Variants in RIOX2 observed in about 807,000 individuals in gnomAD.
The protein encoded by RIOX2 is ribosomal oxygenase 2, also known as 60S ribosomal protein L27a histidine hydroxylase.
RIOX2 carries 43 observed loss-of-function variants against 51.2 expected under a neutral mutation model. The observed-to-expected ratio is 0.84, with a 90% confidence interval of 0.66 to 1.08. The LOEUF is 1.08. Ranked by LOEUF, RIOX2 falls within the 50% of genes least tolerant of loss-of-function variation. The pLI is 0.00. For missense variants in RIOX2, 566 were observed against 561.7 expected (o/e 1.01, Z -0.08); for synonymous variants, 226 against 218.5 (o/e 1.03, Z -0.30).
In RIOX2 at chr3:97,972,347, GGCGCTGGGATGCCCACGAGA is replaced by G. The variant is rs1706169064; in HGVS notation, c.-40+14_-40+33del. Reference sequence around the variant, plus strand: ...GATCGGGCACTACCCGGCCTGCCCCGGCGCTGGGATGCCCACGAGAGCGCCCCACTCACCCGGCACGGCCT... The same window carrying G: ...GATCGGGCACTACCCGGCCTGCCCCGGCGCCCCACTCACCCGGCACGGCCT... On this transcript the variant is annotated intron_variant, in intron 1 of 9. Coordinates refer to ENST00000394198, the MANE Select transcript of RIOX2 (RefSeq NM_153182.4). 1 of 151,864 alleles carries G rather than the reference GGCGCTGGGATGCCCACGAGA, an allele frequency of 6.6e-6. No individual in the cohort carries two copies. Among genetic ancestry groups the G allele is most frequent in the Admixed American group, 6.6e-5 (1 of 15,258 alleles). 9.4% of individuals were successfully genotyped at this position (151,864 alleles called of 1,614,324 possible). A position where few individuals can be genotyped will look rare whatever the true frequency, so the allele number is the denominator to read the frequency against.
chr3:97,956,864 A>C (rs1206104812), intron 4 of RIOX2, among the ~76,000 whole-genome samples: 5 of 152,220 alleles, frequency 3.3e-5, no homozygotes, highest in Non-Finnish European at 7.3e-5. Context: ...GGTAAATATC[A>C]TGATCTCTGT....
At chr3:97,959,292 C>T in intron 3 of RIOX2, 113 bp from the exon 4 acceptor site, 1 of 669,942 alleles carries the variant, frequency 1.5e-6, no homozygotes, top group Non-Finnish European at 2.2e-6. Context: ...ATAGGTGAAC[C>T]TTGAACAACA....
At chr3:97,958,364 C>T (rs1705534453) in intron 4 of RIOX2, among the ~76,000 whole-genome samples, 1 of 152,178 alleles carries the variant, frequency 6.6e-6, no homozygotes, top group South Asian at 2.1e-4. Context: ...CTACTCCTAT[C>T]CATGTAACGT....
chr3:97,964,574 T>C (rs1438383738), intron 2 of RIOX2, among the ~76,000 whole-genome samples: 5 of 151,146 alleles, frequency 3.3e-5, no homozygotes, highest in African/African-American at 1.2e-4. Flanking sequence ...CATGCACCTG[T>C]AATCCCAGCT....
In RIOX2 at chr3:97,954,475, A is replaced by C; in HGVS notation, c.702T>G (p.Phe234Leu). The C allele has an allele frequency of 2.5e-6, 4 of 1,614,020 alleles. No individual in the cohort carries two copies. The highest frequency in any genetic ancestry group is 3.4e-6 in the Non-Finnish European group (4 of 1,179,952). ...FMLKPGDLLY[F>L]PRGTIHQADT... ...CCGCTTGATGAATGGTTCCTCTGGGAAAGTACAACAAATCACCCGGCTAAA... is the reference window on the plus strand; with the variant it reads ...CCGCTTGATGAATGGTTCCTCTGGGCAAGTACAACAAATCACCCGGCTAAA... The change falls in exon 5 of 10, where the codon TTT becomes TTG. Residue 234 changes from phenylalanine (F) to leucine (L), a missense_variant. Phe to Leu is a conservative substitution (Grantham distance 22, BLOSUM62 0). Transcript: ENST00000394198.
At chr3:97,955,923 T>C (rs994267725) in intron 4 of RIOX2, among the ~76,000 whole-genome samples, 2 of 152,172 alleles carry the variant, frequency 1.3e-5, no homozygotes, top group Admixed American at 1.3e-4. Context: ...TACTTAAATA[T>C]ATCTAAACGT....
chr3:97,942,187 C>A lies in RIOX2; in HGVS notation c.*2997G>T. 1 of 1,051,450 alleles carries A rather than the reference C, an allele frequency of 9.5e-7. No individual in the cohort carries two copies. The highest frequency in any genetic ancestry group is 1.4e-6 in the Non-Finnish European group (1 of 737,418). The allele number at this position is 1,051,450 out of a possible 1,614,324, so 65.1% of individuals were successfully genotyped here. A position where few individuals can be genotyped will look rare whatever the true frequency, so the allele number is the denominator to read the frequency against. On this transcript the variant is annotated 3_prime_UTR_variant, in exon 10 of 10. Coordinates refer to ENST00000394198, the MANE Select transcript of RIOX2 (RefSeq NM_153182.4). ...TTTTAGATAAGACACACACACACTT[C>A]ATGTCTATGACTTGTTTACCTAAGA...
At chr3:97,959,315 T>G (rs1705580222) in intron 3 of RIOX2, 136 bp from the exon 4 acceptor site, 1 of 823,220 alleles carries the variant, frequency 1.2e-6, no homozygotes, top group Non-Finnish European at 1.7e-6. Flanking sequence ...GGTTTTTTTT[T>G]TTTTTTTTTT....
intron 4 of RIOX2, among the ~76,000 whole-genome samples, chr3:97,954,724 T>C (rs1356974212): frequency 6.6e-6 from 1 of 152,102 alleles, no homozygotes; most frequent in Non-Finnish European, 1.5e-5. Context: ...TCTCGGTGCC[T>C]GAAGTCACTA....
At position 97,949,982 on chromosome 3, in the gene RIOX2, ATCG is replaced by A; in HGVS notation, c.919_921del (p.Arg307del). 6.2e-7 allele frequency: 1 copy of A among 1,613,886 alleles called. No homozygotes were observed. Among genetic ancestry groups the A allele is most frequent in the East Asian group, 2.2e-5 (1 of 44,870 alleles). Reference sequence around the variant, plus strand: ...GCAAGTGTCCTCAGGAAGCCACTTAATCGTCTTGTAGCAACAGTTGTGGATTCC... The same window carrying A: ...GCAAGTGTCCTCAGGAAGCCACTTAATCTTGTAGCAACAGTTGTGGATTCC... On this transcript the variant is annotated inframe_deletion, in exon 7 of 10. Coordinates refer to ENST00000394198, the MANE Select transcript of RIOX2 (RefSeq NM_153182.4).
At chr3:97,963,949 C>T (rs899143944) in intron 2 of RIOX2, among the ~76,000 whole-genome samples, 6 of 152,154 alleles carry the variant, frequency 3.9e-5, no homozygotes, top group Non-Finnish European at 5.9e-5. Flanking sequence ...AACACTGTGG[C>T]GAACAGCATA....
intron 4 of RIOX2, among the ~76,000 whole-genome samples, chr3:97,957,419 C>A (rs1445891216): frequency 6.6e-6 from 1 of 151,390 alleles, no homozygotes; most frequent in Non-Finnish European, 1.5e-5. Context: ...TTGCTTGAAC[C>A]CGGGAGGCGG....
chr3:97,959,306 G>GTTTTTTTTTTTTTTTT (rs67345115), intron 3 of RIOX2, 127 bp from the exon 4 acceptor site: 1 of 222,440 alleles, frequency 4.5e-6, no homozygotes, highest in Non-Finnish European at 7.6e-6. Flanking sequence ...AACAACACAG[G>GTTTTTTTTTTTTTTTT]TTTTTTTTTT....
chr3:97,967,700 C>A, intron 1 of RIOX2, 68 bp from the exon 2 acceptor site: 2 of 1,094,006 alleles, frequency 1.8e-6, no homozygotes, highest in Non-Finnish European at 2.6e-6. Flanking sequence ...TAGTGGATCG[C>A]GCGCACACAC....
At chr3:97,968,094 G>A (rs1039609168) in intron 1 of RIOX2, among the ~76,000 whole-genome samples, 1 of 151,932 alleles carries the variant, frequency 6.6e-6, no homozygotes, top group Non-Finnish European at 1.5e-5. Flanking sequence ...ACTAACAGCC[G>A]CCCACTGCCA....
At chr3:97,949,400 A>G (rs540857115) in intron 7 of RIOX2, among the ~76,000 whole-genome samples, 139 of 152,138 alleles carry the variant, frequency 9.1e-4, no homozygotes, top group Non-Finnish European at 1.6e-3. Flanking sequence ...CTTCTTGTAC[A>G]GCCTGCAGAC....
intron 4 of RIOX2, among the ~76,000 whole-genome samples, chr3:97,955,561 C>G (rs1043708600): frequency 2.6e-5 from 4 of 152,070 alleles, no homozygotes; most frequent in African/African-American, 9.7e-5. Context: ...AGGAATATAT[C>G]ATGATATATA....
intron 3 of RIOX2, 93 bp downstream of exon 3, chr3:97,961,496 G>C: frequency 7.3e-7 from 1 of 1,371,772 alleles, no homozygotes; most frequent in Non-Finnish European, 9.8e-7. Flanking sequence ...AAGAGCCTTA[G>C]AGAATAATGT....
intron 3 of RIOX2, among the ~76,000 whole-genome samples, chr3:97,960,725 G>C (rs78484187): frequency 0.015 from 2,228 of 152,252 alleles, 50 homozygotes; most frequent in African/African-American, 0.051. Flanking sequence ...CTTTCTTAGA[G>C]CCTCGCTGAG....
Sources: gnomAD v4.1 joint callset for allele counts (sites outside exome capture counted in the v4.1 genomes callset) on GRCh38, gnomAD v4.1.1 for gene constraint, MANE v1.5 for transcripts, NCBI Gene and HGNC (gene_info 2026-07-23, HGNC 2026-07-21) for gene names.